Variants in CCDC6 observed in about 807,000 individuals in gnomAD.
The protein encoded by CCDC6 is coiled-coil domain-containing protein 6.
In CCDC6, 20 loss-of-function variants were observed where a neutral mutation model predicts 56.6. The observed-to-expected ratio is 0.35, with a 90% confidence interval of 0.25 to 0.51. The LOEUF (loss-of-function observed/expected upper bound fraction) is 0.51. Ranked by LOEUF, CCDC6 falls within the 20% of genes least tolerant of loss-of-function variation. CCDC6 has a pLI of 0.95. For synonymous variants in CCDC6, 241 were observed against 234.4 expected, an observed-to-expected ratio of 1.03 and a Z score of -0.26; for missense variants, 367 against 601.1, an observed-to-expected ratio of 0.61 and a Z score of 4.07.
chr10:59,817,270 C>T (rs2070716832), intron 3 of CCDC6, among the ~76,000 whole-genome samples: 1 of 152,120 alleles, frequency 6.6e-6, no homozygotes. Context: ...AGCCTTAACC[C>T]ACTGGGCTCA....
At chr10:59,861,590 C>T (rs953866895) in intron 1 of CCDC6, among the ~76,000 whole-genome samples, 1 of 151,990 alleles carries the variant, frequency 6.6e-6, no homozygotes, top group African/African-American at 2.4e-5. Context: ...AAAAGGTAAA[C>T]AACATACATA....
intron 1 of CCDC6, among the ~76,000 whole-genome samples, chr10:59,878,198 T>C (rs557198210): frequency 6.6e-6 from 1 of 152,282 alleles, no homozygotes; most frequent in South Asian, 2.1e-4. Context: ...AAACAAGAGT[T>C]TAGAAATTTT....
chr10:59,858,014 A>G (rs147597661), intron 1 of CCDC6, among the ~76,000 whole-genome samples: 33 of 152,350 alleles, frequency 2.2e-4, no homozygotes, highest in Admixed American at 7.8e-4. Context: ...AGAATCCCTC[A>G]TGACCAATGG....
At chr10:59,793,800 T>C (rs1251164046) in intron 8 of CCDC6, among the ~76,000 whole-genome samples, 1 of 152,170 alleles carries the variant, frequency 6.6e-6, no homozygotes, top group African/African-American at 2.4e-5. Context: ...GTTCCTACTT[T>C]TACATAAAGT....
intron 1 of CCDC6, among the ~76,000 whole-genome samples, chr10:59,876,540 T>G (rs1474786966): frequency 6.7e-6 from 1 of 150,296 alleles, no homozygotes; most frequent in African/African-American, 2.5e-5. Context: ...CACCAAACTT[T>G]TAAGATAAAG....
intron 3 of CCDC6, among the ~76,000 whole-genome samples, chr10:59,830,558 G>C (rs1417266981): frequency 6.6e-6 from 1 of 152,154 alleles, no homozygotes; most frequent in Non-Finnish European, 1.5e-5. Flanking sequence ...TGGATCTGAG[G>C]CTTACTTCTA....
At chr10:59,836,373 CAGG>C (rs1395626398) in intron 2 of CCDC6, among the ~76,000 whole-genome samples, 2 of 152,204 alleles carry the variant, frequency 1.3e-5, no homozygotes, top group African/African-American at 4.8e-5. Context: ...AAGCCTGGTG[CAGG>C]GTGACTCAAG....
At chr10:59,808,382 A>T (rs1001163684) in intron 5 of CCDC6, among the ~76,000 whole-genome samples, 6 of 152,190 alleles carry the variant, frequency 3.9e-5, no homozygotes, top group Admixed American at 2.6e-4. Flanking sequence ...CCTTCCAAAA[A>T]AAGAAAAACA....
At chr10:59,837,337 A>G (rs1454253056) in intron 2 of CCDC6, among the ~76,000 whole-genome samples, 1 of 152,194 alleles carries the variant, frequency 6.6e-6, no homozygotes, top group African/African-American at 2.4e-5. Context: ...GCTGGATCCT[A>G]GGTTTTGTAA....
Position 59,793,069 on chromosome 10 carries a change from G to A in CCDC6, c.1273C>T (p.Arg425Trp), listed in dbSNP as rs2070483177. ...RRSNSPDKFKRPTPPPSPNTQ... is the reference protein window; with the variant it reads ...RRSNSPDKFKWPTPPPSPNTQ... ...TTGGGAGATGGAGGCGGCGTGGGCC[G>A]TTTGAATTTGTCAGGACTGTTGCTT... The change falls in exon 9 of 9, where the codon CGG becomes TGG. Residue 425 changes from arginine to tryptophan, a missense_variant. Physicochemically the swap from Arg to Trp is moderately radical, Grantham distance 101. Transcript: ENST00000263102. 5 of 1,614,038 alleles carry A rather than the reference G, an allele frequency of 3.1e-6. No individual in the cohort carries two copies. Among genetic ancestry groups the A allele is most frequent in the Non-Finnish European group, 4.2e-6 (5 of 1,180,034 alleles).
intron 3 of CCDC6, among the ~76,000 whole-genome samples, chr10:59,830,824 T>C (rs538064570): frequency 1.3e-5 from 2 of 152,340 alleles, no homozygotes; most frequent in East Asian, 1.9e-4. Context: ...CTTGTGGCCA[T>C]AGCTAAACCC....
In CCDC6 at chr10:59,792,786, G is replaced by T; in HGVS notation, c.*131C>A. On this transcript the variant is annotated 3_prime_UTR_variant, in exon 9 of 9. Transcript: ENST00000263102. ...TTCTGACAAACATTTACAACACAAT[G>T]GATAGTGAAGCCTAGATAACCTCAG... 1 of 937,572 alleles carries T rather than the reference G, an allele frequency of 1.1e-6. No homozygotes were observed. Among genetic ancestry groups the T allele is most frequent in the Non-Finnish European group, 1.8e-6 (1 of 570,472 alleles). 58.1% of individuals were successfully genotyped at this position (937,572 alleles called of 1,614,324 possible).
chr10:59,794,557 T>C lies in CCDC6; in HGVS notation c.1146A>G (p.Pro382=). Residue 382 remains proline, a synonymous_variant, in exon 8 of 9, where the codon CCA becomes CCG. Coordinates refer to ENST00000263102, the MANE Select transcript of CCDC6 (RefSeq NM_005436.5). ...ACATTCCAGCTCTAGTCAGTGAAGT[T>C]GGTGGCGTGAAACCAACCGTGTGAC... ...YASHTVGFTP[P]TSLTRAGMSY... 1 of 1,614,060 alleles carries C rather than the reference T, an allele frequency of 6.2e-7. No homozygotes were observed. Among genetic ancestry groups the C allele is most frequent in the Non-Finnish European group, 8.5e-7 (1 of 1,179,894 alleles).
chr10:59,898,353 C>G (rs913272825), intron 1 of CCDC6, among the ~76,000 whole-genome samples: 2 of 152,222 alleles, frequency 1.3e-5, no homozygotes, highest in Admixed American at 6.5e-5. Context: ...AACAGCTCTC[C>G]CCATCTCTGC....
intron 1 of CCDC6, among the ~76,000 whole-genome samples, chr10:59,897,664 C>CT (rs1442601439): frequency 7.2e-5 from 11 of 152,122 alleles, no homozygotes; most frequent in African/African-American, 2.7e-4. Context: ...AGATCTGTCC[C>CT]TTTTAGCCTC....
chr10:59,866,748 G>T (rs1166095408), intron 1 of CCDC6, among the ~76,000 whole-genome samples: 1 of 152,146 alleles, frequency 6.6e-6, no homozygotes, highest in Non-Finnish European at 1.5e-5. Flanking sequence ...TCCTTCTATG[G>T]TCTAAACTCA....
rs1589048095 is a variant in CCDC6, at chr10:59,844,850, G to A, written c.453+7703C>T. On this transcript the variant is annotated intron_variant, in intron 2 of 8. Transcript: ENST00000263102. ...CTGGCATTTTCTCCTGAGGAAGAAA[G>A]AGTGTTTAGCCCAAAGAATTCATTC... Among the ~76,000 whole-genome samples the A allele has an allele frequency of 3.3e-5, 5 of 151,962 alleles. No individual in the cohort carries two copies. In the South Asian group the frequency reaches 6.2e-4, roughly 19 times the overall value.
chr10:59,886,227 A>T (rs2071382584), intron 1 of CCDC6, among the ~76,000 whole-genome samples: 1 of 152,230 alleles, frequency 6.6e-6, no homozygotes, highest in Non-Finnish European at 1.5e-5. Flanking sequence ...GGATAGAAAA[A>T]TAATGCCAAT....
Position 59,789,235 on chromosome 10 carries a change from A to T in CCDC6, c.*3682T>A, listed in dbSNP as rs2070446912. ...CGGTGCAGACTAAGTCAAGAACTAAAGTTGTGCAGTAACCCGAGTTAAGGC... is the reference window on the plus strand; with the variant it reads ...CGGTGCAGACTAAGTCAAGAACTAATGTTGTGCAGTAACCCGAGTTAAGGC... On this transcript the variant is annotated 3_prime_UTR_variant, in exon 9 of 9. Coordinates refer to ENST00000263102, the MANE Select transcript of CCDC6 (RefSeq NM_005436.5). 1.7e-5 allele frequency: 4 copies of T among 231,452 alleles called. No homozygotes were observed. Among genetic ancestry groups the T allele is most frequent in the Admixed American group, 5.6e-5 (1 of 17,712 alleles). 14.3% of individuals were successfully genotyped at this position (231,452 alleles called of 1,614,324 possible). A position where few individuals can be genotyped will look rare whatever the true frequency, so the allele number is the denominator to read the frequency against.
Sources: allele counts gnomAD v4.1 joint callset (sites outside exome capture counted in the v4.1 genomes callset), GRCh38; gene constraint gnomAD v4.1.1; transcripts MANE v1.5; gene names NCBI Gene and HGNC (gene_info 2026-07-23, HGNC 2026-07-21).